Variants in MROH7 observed in about 807,000 individuals in gnomAD.
The protein encoded by MROH7 is maestro heat like repeat family member 7.
Under a neutral mutation model 129.2 loss-of-function variants are expected in MROH7, and 113 were observed. That is an observed-to-expected ratio of 0.87 (90% CI 0.75 to 1.02). The LOEUF is 1.02. Ranked by LOEUF, MROH7 falls within the 50% of genes least tolerant of loss-of-function variation. The pLI is 0.00. For missense variants in MROH7, 1,601 were observed against 1,671.3 expected, an observed-to-expected ratio of 0.96 and a Z score of 0.73; for synonymous variants, 655 against 667.9, an observed-to-expected ratio of 0.98 and a Z score of 0.30.
chr1:54,662,990 T>G (rs1644753914), intron 3 of MROH7, among the ~76,000 whole-genome samples: 1 of 152,182 alleles, frequency 6.6e-6, no homozygotes, highest in African/African-American at 2.4e-5. Context: ...GACGCTGGGT[T>G]TTTCTCATTG....
chr1:54,656,828 T>A (rs995450313), intron 3 of MROH7, among the ~76,000 whole-genome samples: 8 of 151,758 alleles, frequency 5.3e-5, no homozygotes, highest in Non-Finnish European at 7.4e-5. Context: ...AATAAATAAA[T>A]AAAATAAAAA....
chr1:54,644,515 G>A (rs1644433882), intron 1 of MROH7, among the ~76,000 whole-genome samples: 1 of 151,926 alleles, frequency 6.6e-6, no homozygotes, highest in Non-Finnish European at 1.5e-5. Context: ...GATAATTTTT[G>A]TATTTTTAGT....
intron 10 of MROH7, among the ~76,000 whole-genome samples, chr1:54,677,407 C>CAAACAAAACA (rs961983336): frequency 2.6e-5 from 4 of 152,038 alleles, no homozygotes; most frequent in Non-Finnish European, 4.4e-5. Flanking sequence ...TCAAAACAAA[C>CAAACAAAACA]AAACAAAACA....
intron 9 of MROH7, 87 bp from the exon 10 acceptor site, chr1:54,673,929 G>T: frequency 1.3e-6 from 2 of 1,556,298 alleles, no homozygotes; most frequent in Admixed American, 1.7e-5. Context: ...GTGCTATCTG[G>T]GCCAGACTAT....
At chr1:54,684,319 C>T (rs1645114218) in intron 14 of MROH7, among the ~76,000 whole-genome samples, 1 of 152,226 alleles carries the variant, frequency 6.6e-6, no homozygotes, top group Non-Finnish European at 1.5e-5. Flanking sequence ...GACTCAAACC[C>T]AGCAGATCTT....
chr1:54,646,373 T>C (rs1644467553), intron 1 of MROH7, among the ~76,000 whole-genome samples: 1 of 152,200 alleles, frequency 6.6e-6, no homozygotes, highest in South Asian at 2.1e-4. Context: ...TCTTCTACTT[T>C]TGAGTGTGTG....
chr1:54,675,727 A>G (rs1032971731), intron 10 of MROH7, among the ~76,000 whole-genome samples: 1 of 151,802 alleles, frequency 6.6e-6, no homozygotes, highest in Non-Finnish European at 1.5e-5. Context: ...CCTCCTGAGT[A>G]AGTGGGACTA....
chr1:54,653,188 G>T lies in MROH7; in HGVS notation c.262G>T (p.Ala88Ser). 1 of 1,614,224 alleles carries T rather than the reference G, an allele frequency of 6.2e-7. No individual in the cohort carries two copies. Among genetic ancestry groups the T allele is most frequent in the Non-Finnish European group, 8.5e-7 (1 of 1,180,044 alleles). The change falls in exon 3 of 24, where the codon GCT (alanine) becomes TCT (serine). Residue 88 changes from alanine to serine, a missense_variant. Coordinates refer to ENST00000421030, the MANE Select transcript of MROH7 (RefSeq NM_001039464.4). ...ENTPRPDDSR[A>S]IAPASLQITS... The stretch of plus-strand genomic sequence containing the variant: ...CACCCCCAGACCTGATGACAGCAGA[G>T]CTATCGCTCCAGCCTCCCTCCAGAT...
chr1:54,665,093 G>C (rs1644790416), intron 3 of MROH7, 74 bp from the exon 4 acceptor site: 2 of 1,144,436 alleles, frequency 1.7e-6, no homozygotes, highest in Admixed American at 3.5e-5. Flanking sequence ...AGAGGGGGAG[G>C]AGAGAGATGG....
chr1:54,702,528 C>T lies in MROH7; in HGVS notation c.3442-95C>T, dbSNP rs185834996. 4.1e-4 allele frequency: 507 copies of T among 1,240,548 alleles called. 1 individual carries two copies. In the African/African-American group the frequency reaches 7.2e-3, roughly 18 times the overall value. 76.8% of individuals were successfully genotyped at this position (1,240,548 alleles called of 1,614,324 possible). A position where few individuals can be genotyped will look rare whatever the true frequency, so the allele number is the denominator to read the frequency against. On this transcript the variant is annotated intron_variant, in intron 20 of 23. Transcript: ENST00000421030. Reference sequence around the variant, plus strand: ...TTAAAAATGGTCAGCTTCACTTGTACAATTTCAAATAGAAACTGAGTTTTC... The same window carrying T: ...TTAAAAATGGTCAGCTTCACTTGTATAATTTCAAATAGAAACTGAGTTTTC...
chr1:54,660,806 A>G (rs940901380), intron 3 of MROH7, among the ~76,000 whole-genome samples: 2 of 151,788 alleles, frequency 1.3e-5, no homozygotes, highest in East Asian at 1.9e-4. Flanking sequence ...CAAGAGCAAA[A>G]CTCCATCTCC....
At chr1:54,673,912 G>A in intron 9 of MROH7, 104 bp from the exon 10 acceptor site, 2 of 1,536,116 alleles carry the variant, frequency 1.3e-6, no homozygotes, top group Non-Finnish European at 1.8e-6. Context: ...GCCATCTTCA[G>A]AGGGCTGTGC....
Position 54,678,903 on chromosome 1 carries a change from GGC to G in MROH7, c.2049+50_2049+51del, listed in dbSNP as rs1160557067. On this transcript the variant is annotated intron_variant, in intron 11 of 23. Transcript: ENST00000421030. ...GAGCGGAGGGTGGGGGGTGAGGAGGGGCAGTGCCACCTGGCCCCAAAGCTTTC... is the reference window on the plus strand; with the variant it reads ...GAGCGGAGGGTGGGGGGTGAGGAGGGAGTGCCACCTGGCCCCAAAGCTTTC... The G allele has an allele frequency of 1.1e-5, 15 of 1,424,640 alleles. No individual in the cohort carries two copies. The East Asian group carries it at 3.4e-4, about 32-fold the overall frequency. The allele number at this position is 1,424,640 out of a possible 1,614,324, so 88.2% of individuals were successfully genotyped here. A position where few individuals can be genotyped will look rare whatever the true frequency, so the allele number is the denominator to read the frequency against.
At chr1:54,665,464 TG>T in intron 4 of MROH7, 1 of 459,604 alleles carries the variant, frequency 2.2e-6, no homozygotes, top group Non-Finnish European at 3.9e-6. Flanking sequence ...CGGGCATTTT[TG>T]TCTGTTATTC....
intron 13 of MROH7, among the ~76,000 whole-genome samples, chr1:54,680,981 A>G (rs1399784020): frequency 6.6e-6 from 1 of 151,804 alleles, no homozygotes; most frequent in Non-Finnish European, 1.5e-5. Context: ...AAACAGTCAG[A>G]CTCATAAGAC....
At chr1:54,701,442 T>G in intron 19 of MROH7, 120 bp downstream of exon 19, 1 of 809,628 alleles carries the variant, frequency 1.2e-6, no homozygotes, top group Non-Finnish European at 1.8e-6. Flanking sequence ...GTCAGCCTAC[T>G]GGGAGAGGAA....
chr1:54,650,726 A>AT (rs60505412), intron 1 of MROH7, among the ~76,000 whole-genome samples: 12,253 of 137,386 alleles, frequency 0.089, 1,035 homozygotes, highest in African/African-American at 0.23. Context: ...CGCCATCCCG[A>AT]TTTTTTTTTT....
At chr1:54,696,128 G>T (rs1238308018) in intron 17 of MROH7, among the ~76,000 whole-genome samples, 1 of 152,048 alleles carries the variant, frequency 6.6e-6, no homozygotes, top group Non-Finnish European at 1.5e-5. Context: ...TGATTCATTT[G>T]GTCTCATACT....
intron 15 of MROH7, among the ~76,000 whole-genome samples, chr1:54,688,144 T>TG (rs2101156911): frequency 6.8e-6 from 1 of 147,544 alleles, no homozygotes; most frequent in African/African-American, 2.5e-5. Flanking sequence ...TGCTTGAACC[T>TG]GGGAGGCAGA....
Sources: allele counts gnomAD v4.1 joint callset (sites outside exome capture counted in the v4.1 genomes callset), GRCh38; gene constraint gnomAD v4.1.1; transcripts MANE v1.5; gene names NCBI Gene and HGNC (gene_info 2026-07-23, HGNC 2026-07-21).